XIRP2: variants seen among roughly 807,000 people sequenced by gnomAD.
XIRP2 encodes xin actin-binding repeat-containing protein 2.
XIRP2 carries 236 observed loss-of-function variants against 277.0 expected under a neutral mutation model. That is an observed-to-expected ratio of 0.85 (90% confidence interval 0.77 to 0.95). XIRP2 has a LOEUF of 0.95. Ranked by LOEUF, XIRP2 falls within the 40% of genes least tolerant of loss-of-function variation. The pLI is 0.00. For synonymous variants in XIRP2, 1,490 were observed against 1,416.5 expected, an observed-to-expected ratio of 1.05 and a Z score of -1.17; for missense variants, 4,640 against 4,157.5, an observed-to-expected ratio of 1.12 and a Z score of -3.19.
At chr2:167,069,085 T>C (rs1251203110) in intron 2 of XIRP2, among the ~76,000 whole-genome samples, 2 of 152,186 alleles carry the variant, frequency 1.3e-5, no homozygotes, top group Admixed American at 6.5e-5. Flanking sequence ...TATAAAACGG[T>C]GTAGTCTTTG....
At chr2:167,045,776 A>G (rs1197234897) in intron 2 of XIRP2, among the ~76,000 whole-genome samples, 1 of 152,046 alleles carries the variant, frequency 6.6e-6, no homozygotes, top group Non-Finnish European at 1.5e-5. Flanking sequence ...CACTGCTGGT[A>G]GGAAGGTAAA....
chr2:167,236,292 G>C (rs1391600813), intron 5 of XIRP2, among the ~76,000 whole-genome samples: 1 of 151,820 alleles, frequency 6.6e-6, no homozygotes, highest in East Asian at 1.9e-4. Context: ...CATTGCACTA[G>C]AATGAGTTTG....
chr2:167,093,629 C>T (rs1690213258), intron 2 of XIRP2, among the ~76,000 whole-genome samples: 1 of 152,048 alleles, frequency 6.6e-6, no homozygotes, highest in African/African-American at 2.4e-5. Flanking sequence ...GATCCATGTC[C>T]CTGCAAAGAA....
At chr2:167,199,628 G>T (rs955963960) in intron 3 of XIRP2, among the ~76,000 whole-genome samples, 10 of 152,118 alleles carry the variant, frequency 6.6e-5, no homozygotes, top group Admixed American at 5.9e-4. Context: ...TGTTTTAGGG[G>T]CACTAGTGGA....
intron 3 of XIRP2, among the ~76,000 whole-genome samples, chr2:167,156,657 G>A (rs1692207320): frequency 6.6e-6 from 1 of 152,082 alleles, no homozygotes; most frequent in Non-Finnish European, 1.5e-5. Context: ...AAAGTGATTG[G>A]GTATGGATTA....
At chr2:167,023,405 T>C (rs960987736) in intron 2 of XIRP2, among the ~76,000 whole-genome samples, 4 of 152,028 alleles carry the variant, frequency 2.6e-5, no homozygotes, top group African/African-American at 9.7e-5. Context: ...TTTTGTAGGT[T>C]GCCTGTTCAC....
intron 2 of XIRP2, among the ~76,000 whole-genome samples, chr2:166,934,127 A>G (rs1685425442): frequency 6.6e-6 from 1 of 151,112 alleles, no homozygotes; most frequent in African/African-American, 2.4e-5. Context: ...GGTAAAAGTG[A>G]ATGACATCAT....
Position 167,239,923 on chromosome 2 carries a change from A to T in XIRP2, c.927A>T (p.Glu309Asp). ...SSQEMARNEQ[E>D]GSKVQKIDVH... Reference sequence around the variant, plus strand: ...AGGAAATGGCAAGAAATGAACAAGAAGGGTCCAAAGTACAGAAAATTGATG... The same window carrying T: ...AGGAAATGGCAAGAAATGAACAAGATGGGTCCAAAGTACAGAAAATTGATG... The change falls in exon 6 of 11, where the codon GAA becomes GAT. Residue 309 changes from glutamate (E) to aspartate (D), a missense_variant. By Grantham distance (45) the Glu-to-Asp change is conservative (BLOSUM62 2). Transcript: ENST00000409195. The T allele has an allele frequency of 6.2e-7, 1 of 1,607,658 alleles. No individual in the cohort carries two copies. The highest frequency in any genetic ancestry group is 1.3e-5 in the African/African-American group (1 of 74,502).
intron 2 of XIRP2, among the ~76,000 whole-genome samples, chr2:167,101,317 A>T (rs1269438214): frequency 6.6e-6 from 1 of 152,208 alleles, no homozygotes; most frequent in Admixed American, 6.5e-5. Flanking sequence ...GAATATGTAC[A>T]TATATAATTT....
chr2:166,969,351 C>T (rs1686513588), intron 2 of XIRP2, among the ~76,000 whole-genome samples: 1 of 151,956 alleles, frequency 6.6e-6, no homozygotes, highest in Non-Finnish European at 1.5e-5. Flanking sequence ...TTATTCACGT[C>T]TAGTCAATAT....
rs142606386 is a variant in XIRP2 at position 166,900,458 on chromosome 2, C to T, written c.-18-3007C>T. Among the ~76,000 whole-genome samples, 526 of 152,058 alleles carry T rather than the reference C, an allele frequency of 3.5e-3. 5 individuals are homozygous for T. Among genetic ancestry groups the T allele is most frequent in the African/African-American group, 0.012 (507 of 41,502 alleles). ...AAAAATTCTTGTGAGATAATTGCAA[C>T]ACCTGTATCATGTCAGTGTTGGTGT... On this transcript the variant is annotated intron_variant, in intron 1 of 10. Coordinates refer to ENST00000409195, the MANE Select transcript of XIRP2 (RefSeq NM_152381.6).
Position 166,892,979 on chromosome 2 carries a change from T to TAC in XIRP2, c.-19+4423_-19+4424insCA, listed in dbSNP as rs572313151. Among the ~76,000 whole-genome samples, 716 of 145,900 alleles carry TAC rather than the reference T, an allele frequency of 4.9e-3. 7 individuals are homozygous for TAC. The highest frequency in any genetic ancestry group is 0.013 in the African/African-American group (491 of 39,026). On this transcript the variant is annotated intron_variant, in intron 1 of 10. Coordinates refer to ENST00000409195, the MANE Select transcript of XIRP2 (RefSeq NM_152381.6). ...GTGTATATACATATATATATATGTATATACACACACACACACACACACACA... is the reference window on the plus strand; with the variant it reads ...GTGTATATACATATATATATATGTATACATACACACACACACACACACACACA...
intron 2 of XIRP2, among the ~76,000 whole-genome samples, chr2:166,954,384 G>C (rs1686111343): frequency 6.6e-6 from 1 of 151,924 alleles, no homozygotes; most frequent in South Asian, 2.1e-4. Flanking sequence ...TCTCACGCCA[G>C]TCAGAATGGC....
chr2:167,079,570 C>T (rs1689673309), intron 2 of XIRP2, among the ~76,000 whole-genome samples: 1 of 152,072 alleles, frequency 6.6e-6, no homozygotes, highest in Non-Finnish European at 1.5e-5. Flanking sequence ...GTCATGGAGG[C>T]TGTATGTTTC....
chr2:167,206,640 T>G (rs1693861515), intron 3 of XIRP2, among the ~76,000 whole-genome samples: 1 of 152,164 alleles, frequency 6.6e-6, no homozygotes, highest in Non-Finnish European at 1.5e-5. Flanking sequence ...TGCAGACTTT[T>G]GCATTGTCCA....
intron 2 of XIRP2, among the ~76,000 whole-genome samples, chr2:167,132,768 C>T (rs1361436830): frequency 3.9e-5 from 6 of 152,078 alleles, no homozygotes; most frequent in Middle Eastern, 3.2e-3. Flanking sequence ...GTAGTTAAGC[C>T]CCATTCATTC....
At chr2:166,895,290 A>G (rs1574057728) in intron 1 of XIRP2, among the ~76,000 whole-genome samples, 1 of 152,264 alleles carries the variant, frequency 6.6e-6, no homozygotes, top group South Asian at 2.1e-4. Flanking sequence ...TCATTGGTTA[A>G]TCCTGTGGCT....
chr2:167,088,960 C>A (rs551143000), intron 2 of XIRP2, among the ~76,000 whole-genome samples: 1 of 152,116 alleles, frequency 6.6e-6, no homozygotes, highest in East Asian at 1.9e-4. Flanking sequence ...AGGTGAGGAA[C>A]TCTGCCATTT....
intron 3 of XIRP2, among the ~76,000 whole-genome samples, chr2:167,139,371 A>G (rs1231124075): frequency 6.6e-6 from 1 of 152,128 alleles, no homozygotes; most frequent in Non-Finnish European, 1.5e-5. Context: ...TCTCTAACTC[A>G]TAATTTTAAT....
Sources: allele counts gnomAD v4.1 joint callset (sites outside exome capture counted in the v4.1 genomes callset), GRCh38; gene constraint gnomAD v4.1.1; transcripts MANE v1.5; gene names NCBI Gene and HGNC (gene_info 2026-07-23, HGNC 2026-07-21).